GXYLT2: variants seen among roughly 807,000 people sequenced by gnomAD.
GXYLT2 encodes glucoside xylosyltransferase 2.
In GXYLT2, 53 loss-of-function variants were observed where a neutral mutation model predicts 45.8. That is an observed-to-expected ratio of 1.16 (90% CI 0.93 to 1.46). The LOEUF (loss-of-function observed/expected upper bound fraction) is 1.46. GXYLT2 is among the 40% of genes most tolerant of loss of function. The pLI is 0.00. For missense variants in GXYLT2, 551 were observed against 544.4 expected (o/e 1.01, Z -0.12); for synonymous variants, 219 against 214.2 (o/e 1.02, Z -0.19).
chr3:72,972,864 GA>G (rs1711019053), intron 6 of GXYLT2, among the ~76,000 whole-genome samples: 3 of 151,878 alleles, frequency 2.0e-5, no homozygotes, highest in Admixed American at 6.6e-5. Flanking sequence ...TTGAGCTTAG[GA>G]GGCCAAGGCT....
At position 72,955,098 on chromosome 3, in the gene GXYLT2, G is replaced by GT; in HGVS notation, c.602dup (p.Ile202AspfsTer22). The GT allele has an allele frequency of 6.2e-7, 1 of 1,613,586 alleles. No homozygotes were observed. Among genetic ancestry groups the GT allele is most frequent in the Non-Finnish European group, 8.5e-7 (1 of 1,179,584 alleles). On this transcript the variant is annotated frameshift_variant and splice_region_variant, in exon 4 of 7. Coordinates refer to ENST00000389617, the MANE Select transcript of GXYLT2 (RefSeq NM_001080393.2). LOFTEE classifies it high-confidence loss of function. The stretch of plus-strand genomic sequence containing the variant: ...TTACACCCACTCCTTACACACAAAG[G>GT]TGATTTTAAAGGATGTGGACTCACT...
intron 3 of GXYLT2, among the ~76,000 whole-genome samples, chr3:72,943,791 G>T (rs973512178): frequency 2.6e-5 from 4 of 152,044 alleles, no homozygotes; most frequent in African/African-American, 9.7e-5. Flanking sequence ...GTGCTAAAAT[G>T]TTTGCATCTT....
At chr3:72,962,277 A>C (rs1319156598) in intron 5 of GXYLT2, among the ~76,000 whole-genome samples, 1 of 152,198 alleles carries the variant, frequency 6.6e-6, no homozygotes, top group Non-Finnish European at 1.5e-5. Context: ...GAAGTTCATG[A>C]GCCCTGATGT....
intron 2 of GXYLT2, among the ~76,000 whole-genome samples, chr3:72,920,100 ATTG>A (rs1490356688): frequency 2.0e-5 from 3 of 151,844 alleles, no homozygotes; most frequent in African/African-American, 4.8e-5. Context: ...GTTTGTTTTC[ATTG>A]TTGTTCTTGT....
rs756996358 is a variant in GXYLT2 at position 72,976,225 on chromosome 3, C to T, written c.*1066C>T. Reference sequence around the variant, plus strand: ...GGGATTACAAGTGTGAGCCACTGCACTCAGCCAATCTGGGAGTATTTCTAA... The same window carrying T: ...GGGATTACAAGTGTGAGCCACTGCATTCAGCCAATCTGGGAGTATTTCTAA... On this transcript the variant is annotated 3_prime_UTR_variant, in exon 7 of 7. Transcript: ENST00000389617. The T allele has an allele frequency of 1.3e-5, 2 of 152,168 alleles. No individual in the cohort carries two copies. Among genetic ancestry groups the T allele is most frequent in the Non-Finnish European group, 2.9e-5 (2 of 68,044 alleles). 9.4% of individuals were successfully genotyped at this position (152,168 alleles called of 1,614,324 possible).
At chr3:72,915,296 G>A (rs1156486635) in intron 2 of GXYLT2, among the ~76,000 whole-genome samples, 26 of 128,438 alleles carry the variant, frequency 2.0e-4, no homozygotes, top group African/African-American at 7.6e-4. Flanking sequence ...AGTACCACGT[G>A]CTTTTAGAGG....
At chr3:72,923,318 G>C (rs1709863405) in intron 3 of GXYLT2, among the ~76,000 whole-genome samples, 1 of 152,150 alleles carries the variant, frequency 6.6e-6, no homozygotes, top group Non-Finnish European at 1.5e-5. Context: ...GGGAGGCTGA[G>C]GTGGGAGGAT....
intron 3 of GXYLT2, among the ~76,000 whole-genome samples, chr3:72,924,130 G>A (rs1246821517): frequency 6.7e-6 from 1 of 150,006 alleles, no homozygotes; most frequent in Non-Finnish European, 1.5e-5. Context: ...TGAGAATGAA[G>A]CAATCAGCAG....
chr3:72,930,592 C>CTTTTTTTTTTT (rs71126806), intron 3 of GXYLT2, among the ~76,000 whole-genome samples: 13 of 101,614 alleles, frequency 1.3e-4, no homozygotes, highest in Non-Finnish European at 1.6e-4. Context: ...TCTTCTTCTT[C>CTTTTTTTTTTT]TTTTTTTTTT....
chr3:72,898,651 G>A (rs1709341393), intron 1 of GXYLT2, among the ~76,000 whole-genome samples: 1 of 152,170 alleles, frequency 6.6e-6, no homozygotes, highest in Admixed American at 6.5e-5. Flanking sequence ...AGCACCCGGG[G>A]AGGCATGGGA....
At position 72,957,349 on chromosome 3, in the gene GXYLT2, C is replaced by A. The variant is rs1456435780; in HGVS notation, c.973C>A (p.Pro325Thr). 5 of 1,602,754 alleles carry A rather than the reference C, an allele frequency of 3.1e-6. No homozygotes were observed. The highest frequency in any genetic ancestry group is 2.2e-5 in the South Asian group (2 of 89,380). The change falls in exon 5 of 7, where the codon CCA (proline) becomes ACA (threonine). Residue 325 changes from proline (P) to threonine (T), a missense_variant. Pro to Thr is a conservative substitution (Grantham distance 38). Transcript: ENST00000389617. The stretch of plus-strand genomic sequence containing the variant: ...ATTAAATATTATTTTTTATTTCAAC[C>A]CAGGTAGGTTATCTTTGGAGAATGC... ...DLLNIIFYFN[P>T]ECLYVFPCQW...
intron 2 of GXYLT2, among the ~76,000 whole-genome samples, chr3:72,920,966 C>T (rs1292292985): frequency 6.6e-6 from 1 of 151,816 alleles, no homozygotes; most frequent in South Asian, 2.1e-4. Flanking sequence ...GGATTACAGG[C>T]GCCCACCACC....
At chr3:72,927,929 G>C (rs1279599137) in intron 3 of GXYLT2, among the ~76,000 whole-genome samples, 1 of 152,192 alleles carries the variant, frequency 6.6e-6, no homozygotes, top group African/African-American at 2.4e-5. Context: ...TAGCAAAGAA[G>C]GAAATTAATT....
chr3:72,889,515 G>A (rs1054495402), intron 1 of GXYLT2, among the ~76,000 whole-genome samples: 1 of 152,082 alleles, frequency 6.6e-6, no homozygotes, highest in African/African-American at 2.4e-5. Context: ...TTCTGTCTCA[G>A]TACAAATGGG....
rs1428188273 is a variant in GXYLT2, at chr3:72,907,920, G to A, written c.276-447G>A. On this transcript the variant is annotated intron_variant, in intron 1 of 6. Coordinates refer to ENST00000389617, the MANE Select transcript of GXYLT2 (RefSeq NM_001080393.2). ...CCCAACCTAAAAACATCCAGATGAT[G>A]GGAATATCATGTTGCTCGTTTCACA... The A allele has an allele frequency of 3.8e-5, 6 of 157,668 alleles. No individual in the cohort carries two copies. The South Asian group carries it at 1.1e-3, about 30-fold the overall frequency. The allele number at this position is 157,668 out of a possible 1,614,324, so 9.8% of individuals were successfully genotyped here. A position where few individuals can be genotyped will look rare whatever the true frequency, so the allele number is the denominator to read the frequency against.
intron 6 of GXYLT2, among the ~76,000 whole-genome samples, chr3:72,971,697 C>G (rs1299503073): frequency 6.6e-6 from 1 of 152,060 alleles, no homozygotes; most frequent in African/African-American, 2.4e-5. Context: ...ACCTGTAATC[C>G]CAGCACTTTG....
chr3:72,889,718 T>G (rs966562276), intron 1 of GXYLT2, among the ~76,000 whole-genome samples: 2 of 152,186 alleles, frequency 1.3e-5, no homozygotes, highest in Admixed American at 6.5e-5. Flanking sequence ...TTTAATATGA[T>G]TGCTAAGTTT....
chr3:72,973,095 C>T (rs999290588), intron 6 of GXYLT2, among the ~76,000 whole-genome samples: 1 of 150,976 alleles, frequency 6.6e-6, no homozygotes, highest in African/African-American at 2.4e-5. Context: ...GACCCTATCT[C>T]AAAAGAAAAA....
At chr3:72,966,548 CT>C (rs1371301980) in intron 5 of GXYLT2, among the ~76,000 whole-genome samples, 1 of 141,076 alleles carries the variant, frequency 7.1e-6, no homozygotes, top group Non-Finnish European at 1.5e-5. Context: ...TAACCTCTAA[CT>C]CCTGGGCTCA....
Sources: allele counts gnomAD v4.1 joint callset (sites outside exome capture counted in the v4.1 genomes callset), GRCh38; gene constraint gnomAD v4.1.1; transcripts MANE v1.5; gene names NCBI Gene and HGNC (gene_info 2026-07-23, HGNC 2026-07-21).